The following PCDHGB5 variants were observed in gnomAD, a reference collection of about 807,000 sequenced individuals.
PCDHGB5 encodes the protein protocadherin gamma-B5.
PCDHGB5 carries 48 observed loss-of-function variants against 62.9 expected under a neutral mutation model. The ratio of observed to expected loss-of-function variants is 0.76; its 90% CI spans 0.61 to 0.97. PCDHGB5 has a LOEUF of 0.97. PCDHGB5 is among the 50% of genes least tolerant of loss of function. PCDHGB5 has a pLI of 0.00. For synonymous variants in PCDHGB5, 474 were observed against 511.2 expected (o/e 0.93, Z 0.98); for missense variants, 1,118 against 1,198.6 (o/e 0.93, Z 0.99).
At chr5:141,434,553 G>T (rs1203568173) in intron 1 of PCDHGB5, among the ~76,000 whole-genome samples, 1 of 152,202 alleles carries the variant, frequency 6.6e-6, no homozygotes, top group Admixed American at 6.5e-5. Flanking sequence ...AGTGATCTGT[G>T]CCTTAAGGAC....
chr5:141,505,418 A>T lies in PCDHGB5; in HGVS notation c.2482A>T (p.Thr828Ser). 1 of 1,614,186 alleles carries T rather than the reference A, an allele frequency of 6.2e-7. No homozygotes were observed. Among genetic ancestry groups the T allele is most frequent in the East Asian group, 2.2e-5 (1 of 44,876 alleles). The change falls in exon 3 of 4, where the codon ACC becomes TCC. Residue 828 changes from threonine to serine, a missense_variant. By Grantham distance (58) the Thr-to-Ser change is moderately conservative. This residue lies in a region of PCDHGB5 where 1,034 missense variants were observed against 1,029.1 expected (regional missense o/e 1.00). Coordinates refer to ENST00000617380, the MANE Select transcript of PCDHGB5 (RefSeq NM_018925.3). ...SGSQNGDDTG[T>S]WPNNQFDTEM... ...CTCCCAAAATGGCGATGACACCGGC[A>T]CCTGGCCCAACAACCAGTTTGACAC...
rs768648952 is a variant in PCDHGB5 at position 141,477,230 on chromosome 5, G to C, written c.2398-17577G>C. 6.2e-7 allele frequency: 1 copy of C among 1,614,046 alleles called. No homozygotes were observed. Among genetic ancestry groups the C allele is most frequent in the East Asian group, 2.2e-5 (1 of 44,890 alleles). ...GGATGCCCCTCTGGGGACTGTCATC[G>C]CTTTGCTCAGTGTGACTGACCTGGA... On this transcript the variant is annotated intron_variant, in intron 1 of 3. Transcript: ENST00000617380. The surrounding 1 kb of genome is among the most constrained non-coding windows in gnomAD (Gnocchi z 4.9).
chr5:141,404,709 A>G (rs746275941), intron 1 of PCDHGB5: 33 of 1,613,624 alleles, frequency 2.0e-5, no homozygotes, highest in Non-Finnish European at 2.7e-5. Flanking sequence ...GAGCCTGGCT[A>G]CCTGGTGACC....
chr5:141,444,152 ATTTTTTTTTTTTTTTTTTTTTTTTT>A (rs747671382), intron 1 of PCDHGB5, among the ~76,000 whole-genome samples: 1 of 33,882 alleles, frequency 3.0e-5, no homozygotes, highest in Non-Finnish European at 5.2e-5. Context: ...TGTGTACTGG[ATTTTTTTTTTTTTTTTTTTTTTTTT>A]TTTTTTTTTT....
intron 1 of PCDHGB5, among the ~76,000 whole-genome samples, chr5:141,458,102 A>G (rs1314999618): frequency 6.6e-6 from 1 of 152,246 alleles, no homozygotes; most frequent in Admixed American, 6.5e-5. Context: ...GTACTTACAG[A>G]TAGTCTCCAA....
chr5:141,415,210 C>G lies in PCDHGB5; in HGVS notation c.2397+14686C>G, dbSNP rs2095843973. The G allele has an allele frequency of 2.5e-6, 4 of 1,614,068 alleles. No individual in the cohort carries two copies. The highest frequency in any genetic ancestry group is 1.6e-4 in the Middle Eastern group (1 of 6,062). ...CAGCATCCCCCAAGTCCTGGCGGAC[C>G]TCGGCAGCTTCGAGTCTCCAGCTAA... is the stretch of plus-strand genomic sequence containing the variant. On this transcript the variant is annotated intron_variant, in intron 1 of 3. Coordinates refer to ENST00000617380, the MANE Select transcript of PCDHGB5 (RefSeq NM_018925.3).
In PCDHGB5 at chr5:141,399,561, G is replaced by A; in HGVS notation, c.1434G>A (p.Gly478=). ...AQVCASDLDL[G]LNGQVSYSIM... Reference sequence around the variant, plus strand: ...TCTGCGCCTCGGACCTGGACTTGGGGTTGAACGGCCAAGTCTCCTACTCTA... The same window carrying A: ...TCTGCGCCTCGGACCTGGACTTGGGATTGAACGGCCAAGTCTCCTACTCTA... Residue 478 remains glycine, a synonymous_variant, in exon 1 of 4, where the codon GGG becomes GGA. Transcript: ENST00000617380. 2 of 1,614,042 alleles carry A rather than the reference G, an allele frequency of 1.2e-6. No homozygotes were observed. Among genetic ancestry groups the A allele is most frequent in the Non-Finnish European group, 1.7e-6 (2 of 1,179,890 alleles).
At chr5:141,458,075 A>G (rs1301404730) in intron 1 of PCDHGB5, among the ~76,000 whole-genome samples, 2 of 152,234 alleles carry the variant, frequency 1.3e-5, no homozygotes, top group Non-Finnish European at 2.9e-5. Flanking sequence ...GAACAACTAT[A>G]TTGCCGTAAG....
At position 141,399,579 on chromosome 5, in the gene PCDHGB5, C is replaced by CT. The variant is rs1419885738; in HGVS notation, c.1453dup (p.Tyr485LeufsTer33). ...ACTTGGGGTTGAACGGCCAAGTCTC[C>CT]TACTCTATCATGGCCAGCGACCTAG... On this transcript the variant is annotated frameshift_variant, in exon 1 of 4. Coordinates refer to ENST00000617380, the MANE Select transcript of PCDHGB5 (RefSeq NM_018925.3). LOFTEE classifies it high-confidence loss of function. 6.2e-7 allele frequency: 1 copy of CT among 1,614,026 alleles called. No homozygotes were observed. Among genetic ancestry groups the CT allele is most frequent in the African/African-American group, 1.3e-5 (1 of 75,082 alleles).
intron 1 of PCDHGB5, 115 bp from the exon 2 acceptor site, chr5:141,494,692 C>G: frequency 6.3e-7 from 1 of 1,581,934 alleles, no homozygotes; most frequent in South Asian, 1.1e-5. Context: ...CCTCTTAGTC[C>G]GTTTTCTTCT....
Position 141,490,618 on chromosome 5 carries a change from A to C in PCDHGB5, c.2398-4189A>C. The C allele has an allele frequency of 6.2e-7, 1 of 1,614,104 alleles. No homozygotes were observed. Among genetic ancestry groups the C allele is most frequent in the South Asian group, 1.1e-5 (1 of 91,080 alleles). ...ACCCCGCTTCAACCAGCAGCTTTAC[A>C]CTGCTTACATCCTAGAAAACCGGCC... On this transcript the variant is annotated intron_variant, in intron 1 of 3. Coordinates refer to ENST00000617380, the MANE Select transcript of PCDHGB5 (RefSeq NM_018925.3). This position sits in a 1 kb window ranked among gnomAD's most constrained non-coding sequence, Gnocchi z 5.4.
At chr5:141,480,649 C>A (rs2099522804) in intron 1 of PCDHGB5, among the ~76,000 whole-genome samples, 1 of 152,184 alleles carries the variant, frequency 6.6e-6, no homozygotes, top group Non-Finnish European at 1.5e-5. Flanking sequence ...AACTTGGTTG[C>A]ACATTAAAAT....
intron 2 of PCDHGB5, among the ~76,000 whole-genome samples, chr5:141,500,806 T>C (rs2099802700): frequency 6.6e-6 from 1 of 152,240 alleles, no homozygotes; most frequent in Non-Finnish European, 1.5e-5. Context: ...AGTCCTCATA[T>C]GAATATACAT....
intron 1 of PCDHGB5, among the ~76,000 whole-genome samples, chr5:141,472,869 C>T (rs919331906): frequency 6.6e-6 from 1 of 151,388 alleles, no homozygotes; most frequent in Non-Finnish European, 1.5e-5. Context: ...GCCTGTATTC[C>T]CAGCTACTCG....
intron 1 of PCDHGB5, chr5:141,421,778 G>C (rs756566609): frequency 6.2e-7 from 1 of 1,613,844 alleles, no homozygotes; most frequent in Non-Finnish European, 8.5e-7. Context: ...TTGCAACTGC[G>C]GGGCAGAACG....
In PCDHGB5 at chr5:141,489,950, A is replaced by C. The variant is rs1055715796; in HGVS notation, c.2398-4857A>C. 1 of 1,614,192 alleles carries C rather than the reference A, an allele frequency of 6.2e-7. No homozygotes were observed. The highest frequency in any genetic ancestry group is 1.3e-5 in the African/African-American group (1 of 75,060). ...TCTGTCATCGTGCTGGACATCAATG[A>C]TAATGCTCCAACCTTCCAATCCTCA... is the stretch of plus-strand genomic sequence containing the variant. On this transcript the variant is annotated intron_variant, in intron 1 of 3. Coordinates refer to ENST00000617380, the MANE Select transcript of PCDHGB5 (RefSeq NM_018925.3). The surrounding 1 kb of genome is among the most constrained non-coding windows in gnomAD (Gnocchi z 4.5).
chr5:141,439,579 G>A (rs980322898), intron 1 of PCDHGB5, among the ~76,000 whole-genome samples: 6 of 152,148 alleles, frequency 3.9e-5, no homozygotes, highest in African/African-American at 1.4e-4. Context: ...GGGACTCAGA[G>A]TGCCACTGTT....
At chr5:141,409,471 AG>A in intron 1 of PCDHGB5, 1 of 1,613,978 alleles carries the variant, frequency 6.2e-7, no homozygotes, top group Non-Finnish European at 8.5e-7. Flanking sequence ...TCACCATCGT[AG>A]CCACTGACAG....
intron 1 of PCDHGB5, chr5:141,408,754 T>G: frequency 6.2e-7 from 1 of 1,610,602 alleles, no homozygotes; most frequent in Non-Finnish European, 8.5e-7. Flanking sequence ...TGGTTAGAGT[T>G]AATTCCGATG....
Sources: gnomAD v4.1 joint callset for allele counts (sites outside exome capture counted in the v4.1 genomes callset) on GRCh38, gnomAD v4.1.1 for gene constraint, gnomAD v4.1.1 regional missense constraint, Gnocchi (gnomAD v3.1) non-coding constraint, MANE v1.5 for transcripts, NCBI Gene and HGNC (gene_info 2026-07-23, HGNC 2026-07-21) for gene names.